CABIN1: variants seen among roughly 807,000 people sequenced by gnomAD.
The protein encoded by CABIN1 is calcineurin-binding protein cabin-1.
CABIN1 carries 133 observed loss-of-function variants against 227.7 expected under a neutral mutation model. That is an observed-to-expected ratio of 0.58 (90% CI 0.51 to 0.67). The LOEUF is 0.67. Among genes scored for constraint, CABIN1 ranks in the 30% least tolerant of loss-of-function variants. The pLI is 0.00. For missense variants in CABIN1, 2,408 were observed against 2,852.5 expected (o/e 0.84, Z 3.55); for synonymous variants, 1,086 against 1,155.1 (o/e 0.94, Z 1.21).
Position 24,050,859 on chromosome 22 carries a change from G to A in CABIN1, c.691G>A (p.Ala231Thr), listed in dbSNP as rs2038274099. The A allele has an allele frequency of 6.2e-7, 1 of 1,614,226 alleles. No homozygotes were observed. The highest frequency in any genetic ancestry group is 1.7e-5 in the Admixed American group (1 of 60,026). ...MSIHDVSVSA[A>T]ETQAIVDEAL... is the part of the protein sequence containing the mutation. ...GATTCACGATGTTTCGGTGAGTGCA[G>A]CTGAGACACAGGCGATTGTAGATGA... Residue 231 changes from alanine (A) to threonine (T), a missense_variant, in exon 8 of 37, where the codon GCT becomes ACT. Transcript: ENST00000263119.
intron 3 of CABIN1, among the ~76,000 whole-genome samples, chr22:24,037,695 A>T (rs1364716975): frequency 6.6e-6 from 1 of 152,096 alleles, no homozygotes. Flanking sequence ...AACTCTCCAT[A>T]TACCAACTGG....
At position 24,178,252 on chromosome 22, in the gene CABIN1, CCCCTGGGCAGGA is replaced by C. The variant is rs546034155; in HGVS notation, c.*71_*82del. On this transcript the variant is annotated 3_prime_UTR_variant, in exon 37 of 37. Transcript: ENST00000263119. ...AGGGGACCAGCCAGGCCTGGAATGC[CCCCTGGGCAGGA>C]CCCTGGGCAGGACCAGAGGCCCACA... is the stretch of plus-strand genomic sequence containing the variant. 470 of 1,606,002 alleles carry C rather than the reference CCCCTGGGCAGGA, an allele frequency of 2.9e-4. 1 individual carries two copies. The highest frequency in any genetic ancestry group is 9.2e-4 in the East Asian group (41 of 44,696).
intron 1 of CABIN1, among the ~76,000 whole-genome samples, chr22:24,014,372 G>T (rs1167887721): frequency 1.3e-5 from 2 of 151,134 alleles, no homozygotes; most frequent in Non-Finnish European, 2.9e-5. Flanking sequence ...TGGCTATTTA[G>T]TTAGGATCTC....
At chr22:24,094,480 T>C (rs868432903) in intron 24 of CABIN1, among the ~76,000 whole-genome samples, 7 of 152,326 alleles carry the variant, frequency 4.6e-5, no homozygotes, top group South Asian at 2.1e-4. Flanking sequence ...ATTGTAGCTA[T>C]GTAACTTTGA....
At chr22:24,128,168 T>C (rs994168100) in intron 28 of CABIN1, among the ~76,000 whole-genome samples, 2 of 152,114 alleles carry the variant, frequency 1.3e-5, no homozygotes, top group Non-Finnish European at 2.9e-5. Flanking sequence ...ATCTTCTGCC[T>C]ACTTTCTTTA....
At chr22:24,158,025 C>T (rs1392603967) in intron 29 of CABIN1, among the ~76,000 whole-genome samples, 4 of 152,240 alleles carry the variant, frequency 2.6e-5, no homozygotes, top group African/African-American at 9.6e-5. Context: ...GCTCCCCGCC[C>T]TCGCCTGTTC....
chr22:24,071,878 C>T (rs368499171), intron 17 of CABIN1, among the ~76,000 whole-genome samples: 1 of 152,140 alleles, frequency 6.6e-6, no homozygotes, highest in Admixed American at 6.5e-5. Flanking sequence ...CCTCTGCCCC[C>T]ACTCCTTGCC....
chr22:24,077,240 C>T (rs1211651666), intron 19 of CABIN1, among the ~76,000 whole-genome samples: 3 of 152,178 alleles, frequency 2.0e-5, no homozygotes, highest in African/African-American at 7.2e-5. Flanking sequence ...GTGTGATACA[C>T]TCATTGAGTG....
chr22:24,051,020 C>T, intron 8 of CABIN1, 46 bp downstream of exon 8: 2 of 1,612,468 alleles, frequency 1.2e-6, no homozygotes, highest in Non-Finnish European at 1.7e-6. Context: ...GCCAGTAGGC[C>T]CTGTTGTGGG....
In CABIN1 at chr22:24,055,018, C is replaced by T. The variant is rs753655717; in HGVS notation, c.952C>T (p.Pro318Ser). The T allele has an allele frequency of 1.9e-6, 3 of 1,614,130 alleles. No individual in the cohort carries two copies. Among genetic ancestry groups the T allele is most frequent in the East Asian group, 4.5e-5 (2 of 44,892 alleles). Residue 318 changes from proline to serine, a missense_variant, in exon 9 of 37, where the codon CCA becomes TCA. This residue lies in a region of CABIN1 where 1,045 missense variants were observed against 1,168.4 expected (regional missense o/e 0.89). Coordinates refer to ENST00000263119, the MANE Select transcript of CABIN1 (RefSeq NM_012295.4). ...QPLESSMVVT[P>S]VNVIQPSTVS... ...TCTTGAGTCCTCCATGGTGGTGACG[C>T]CAGTTAACGTGATCCAGCCAAGCAC...
intron 27 of CABIN1, among the ~76,000 whole-genome samples, chr22:24,114,627 G>A (rs375503592): frequency 1.1e-4 from 16 of 152,282 alleles, no homozygotes; most frequent in African/African-American, 3.8e-4. Context: ...CTCCGGGTGG[G>A]ATGGATGGAT....
chr22:24,051,600 G>C (rs1176146571), intron 8 of CABIN1, among the ~76,000 whole-genome samples: 1 of 152,098 alleles, frequency 6.6e-6, no homozygotes, highest in Admixed American at 6.6e-5. Context: ...GCATGACTTA[G>C]CAGTAGCATT....
chr22:24,165,632 C>T lies in CABIN1; in HGVS notation c.5007+6C>T. The T allele has an allele frequency of 1.2e-6, 2 of 1,609,028 alleles. No individual in the cohort carries two copies. Among genetic ancestry groups the T allele is most frequent in the South Asian group, 1.1e-5 (1 of 90,466 alleles). On this transcript the variant is annotated splice_donor_region_variant and intron_variant, in intron 31 of 36. Coordinates refer to ENST00000263119, the MANE Select transcript of CABIN1 (RefSeq NM_012295.4). The stretch of plus-strand genomic sequence containing the variant: ...CGCTGAGCGAGCTCGCAGAGGTATG[C>T]CACCTGTGTCCTCCTCTCCTCCACG...
intron 1 of CABIN1, among the ~76,000 whole-genome samples, chr22:24,027,455 T>A (rs530755300): frequency 6.6e-6 from 1 of 152,384 alleles, no homozygotes; most frequent in East Asian, 1.9e-4. Context: ...TGTTTCTTGA[T>A]CTTGGAGGGA....
At chr22:24,155,161 A>G (rs945717812) in intron 29 of CABIN1, among the ~76,000 whole-genome samples, 2 of 152,140 alleles carry the variant, frequency 1.3e-5, no homozygotes, top group Admixed American at 1.3e-4. Context: ...AGACTGTCCC[A>G]GTGCAGCCTA....
intron 18 of CABIN1, 110 bp downstream of exon 18, chr22:24,072,620 T>A: frequency 7.9e-7 from 1 of 1,267,036 alleles, no homozygotes; most frequent in Admixed American, 1.8e-5. Context: ...TGGGGCTCAG[T>A]CCTCTCAATC....
chr22:24,059,949 G>C lies in CABIN1; in HGVS notation c.1425G>C (p.Leu475=), dbSNP rs999167486. ...AAAAGCAGGACGTGCATGAGTTCCT[G>C]CTGGAGAACCTAACCAACGGGGGCA... is the stretch of plus-strand genomic sequence containing the variant. ...ESEKQDVHEF[L]LENLTNGGIL... The change falls in exon 12 of 37, where the codon CTG becomes CTC. Residue 475 remains leucine (L), a synonymous_variant. Transcript: ENST00000263119. 6.2e-7 allele frequency: 1 copy of C among 1,614,246 alleles called. No homozygotes were observed. The highest frequency in any genetic ancestry group is 8.5e-7 in the Non-Finnish European group (1 of 1,180,042).
In CABIN1 at chr22:24,171,719, G is replaced by T; in HGVS notation, c.5764G>T (p.Gly1922Trp). ...LGAAAQRQASGDTPTTPKHPK... is the reference protein window; with the variant it reads ...LGAAAQRQASWDTPTTPKHPK... ...CTCTTGTTTGTCCTCACAGGCCTCG[G>T]GGGACACCCCCACCACTCCAAAGCA... The change falls in exon 34 of 37, where the codon GGG (glycine) becomes TGG (tryptophan). Residue 1922 changes from glycine (G) to tryptophan (W), a missense_variant. This residue lies in a region of CABIN1 where 714 missense variants were observed against 773.8 expected (regional missense o/e 0.92). Transcript: ENST00000263119. 2 of 1,614,068 alleles carry T rather than the reference G, an allele frequency of 1.2e-6. No individual in the cohort carries two copies. Among genetic ancestry groups the T allele is most frequent in the Non-Finnish European group, 1.7e-6 (2 of 1,180,026 alleles).
intron 30 of CABIN1, among the ~76,000 whole-genome samples, chr22:24,164,947 G>A (rs920915331): frequency 3.9e-5 from 6 of 152,188 alleles, no homozygotes; most frequent in Non-Finnish European, 7.3e-5. Context: ...TGGGGTGAGC[G>A]ACAGGGGTGC....
Sources: gnomAD v4.1 joint callset for allele counts (sites outside exome capture counted in the v4.1 genomes callset) on GRCh38, gnomAD v4.1.1 for gene constraint, gnomAD v4.1.1 regional missense constraint, MANE v1.5 for transcripts, NCBI Gene and HGNC (gene_info 2026-07-23, HGNC 2026-07-21) for gene names.